Variants in NAALADL2 observed in about 807,000 individuals in gnomAD.
NAALADL2 encodes the protein N-acetylated alpha-linked acidic dipeptidase like 2, also known as inactive N-acetylated-alpha-linked acidic dipeptidase-like protein 2.
Under a neutral mutation model 87.2 loss-of-function variants are expected in NAALADL2, and 76 were observed. That is an observed-to-expected ratio of 0.87 (90% confidence interval 0.72 to 1.05). The LOEUF (loss-of-function observed/expected upper bound fraction) is 1.05, where lower values mean the gene tolerates loss of function less well. Ranked by LOEUF, NAALADL2 falls within the 50% of genes least tolerant of loss-of-function variation. NAALADL2 has a pLI of 0.00. For synonymous variants in NAALADL2, 354 were observed against 331.0 expected, an observed-to-expected ratio of 1.07 and a Z score of -0.75; for missense variants, 1,089 against 945.8, an observed-to-expected ratio of 1.15 and a Z score of -1.99.
At chr3:175,314,698 A>ATATAGTTCTAAC (rs1553857615) in intron 4 of NAALADL2, among the ~76,000 whole-genome samples, 3 of 97,856 alleles carry the variant, frequency 3.1e-5, no homozygotes, top group African/African-American at 1.1e-4. Context: ...ATATATATAT[A>ATATAGTTCTAAC]TATATATATA....
intron 3 of NAALADL2, among the ~76,000 whole-genome samples, chr3:175,245,781 T>G (rs562686465): frequency 6.6e-6 from 1 of 152,354 alleles, no homozygotes; most frequent in African/African-American, 2.4e-5. Context: ...TCTGCAGGAA[T>G]GCACCAGTCT....
At chr3:174,883,453 C>T (rs939949710) in intron 1 of NAALADL2, among the ~76,000 whole-genome samples, 5 of 152,052 alleles carry the variant, frequency 3.3e-5, no homozygotes, top group African/African-American at 4.8e-5. Context: ...TTCATACAAG[C>T]GGAAATGCAC....
chr3:175,508,161 C>T (rs1730619409), intron 9 of NAALADL2, among the ~76,000 whole-genome samples: 2 of 152,218 alleles, frequency 1.3e-5, no homozygotes, highest in African/African-American at 4.8e-5. Context: ...CAAGAGCTCA[C>T]TTATCACCAA....
chr3:175,576,430 C>T (rs1718903873), intron 10 of NAALADL2, among the ~76,000 whole-genome samples: 1 of 152,190 alleles, frequency 6.6e-6, no homozygotes, highest in South Asian at 2.1e-4. Flanking sequence ...TCACACAGTG[C>T]TCTGCAATGA....
intron 3 of NAALADL2, among the ~76,000 whole-genome samples, chr3:174,845,576 C>T (rs990740973): frequency 2.0e-5 from 3 of 152,206 alleles, no homozygotes; most frequent in Admixed American, 2.0e-4. Context: ...GGAGCAAGGC[C>T]ACCTCCATGC....
chr3:174,925,662 G>T (rs943772168), intron 1 of NAALADL2, among the ~76,000 whole-genome samples: 3 of 152,026 alleles, frequency 2.0e-5, no homozygotes, highest in African/African-American at 7.3e-5. Context: ...AATTACCTTG[G>T]GCAGTATGGC....
chr3:174,465,064 A>G (rs1244258601), intron 1 of NAALADL2, among the ~76,000 whole-genome samples: 2 of 152,110 alleles, frequency 1.3e-5, no homozygotes, highest in African/African-American at 4.8e-5. Flanking sequence ...ATTTTAAAGT[A>G]TATGTAATGT....
chr3:175,051,405 T>G (rs1200781218), intron 1 of NAALADL2, among the ~76,000 whole-genome samples: 1 of 152,132 alleles, frequency 6.6e-6, no homozygotes, highest in African/African-American at 2.4e-5. Context: ...CTGGACAGGC[T>G]GCATTTCTCT....
At chr3:175,351,483 A>G (rs997098638) in intron 5 of NAALADL2, among the ~76,000 whole-genome samples, 1 of 151,968 alleles carries the variant, frequency 6.6e-6, no homozygotes, top group African/African-American at 2.4e-5. Flanking sequence ...TTTTGCTCAC[A>G]TACAACTACT....
intron 4 of NAALADL2, among the ~76,000 whole-genome samples, chr3:175,265,073 A>T (rs984542597): frequency 1.3e-5 from 2 of 151,646 alleles, no homozygotes; most frequent in Non-Finnish European, 3.0e-5. Context: ...AATCATATGG[A>T]AAGATTTTAT....
At chr3:174,523,830 C>G (rs1349108025) in intron 1 of NAALADL2, among the ~76,000 whole-genome samples, 1 of 152,020 alleles carries the variant, frequency 6.6e-6, no homozygotes, top group Admixed American at 6.6e-5. Context: ...AATTATGTGT[C>G]TTATTATTTT....
chr3:175,393,810 C>T (rs1033085801), intron 5 of NAALADL2, among the ~76,000 whole-genome samples: 10 of 152,186 alleles, frequency 6.6e-5, no homozygotes, highest in African/African-American at 2.2e-4. Context: ...GTCCAACACA[C>T]TATCCATACC....
At chr3:175,392,269 A>G (rs1007479050) in intron 5 of NAALADL2, among the ~76,000 whole-genome samples, 1 of 152,222 alleles carries the variant, frequency 6.6e-6, no homozygotes, top group South Asian at 2.1e-4. Context: ...ATGTGTAATG[A>G]ACACTACTTA....
At chr3:175,244,054 C>T (rs962659724) in intron 3 of NAALADL2, among the ~76,000 whole-genome samples, 2 of 152,174 alleles carry the variant, frequency 1.3e-5, no homozygotes, top group Admixed American at 6.5e-5. Flanking sequence ...CGATGTCTCT[C>T]CATTGCCCTC....
At position 174,928,366 on chromosome 3, in the gene NAALADL2, A is replaced by C. The variant is rs553592401; in HGVS notation, c.43+68916A>C. 3.3e-5 allele frequency among the ~76,000 whole-genome samples: 5 copies of C among 152,180 alleles called. No individual in the cohort carries two copies. In the South Asian group the frequency reaches 1.0e-3, roughly 32 times the overall value. On this transcript the variant is annotated intron_variant, in intron 1 of 13. Transcript: ENST00000454872. ...GCGATTCTTCTGCCTCATCCTCTCG[A>C]GTACCTGGGATTACAGGCACCTACC... is the stretch of plus-strand genomic sequence containing the variant.
chr3:174,487,420 A>G (rs552843069), intron 1 of NAALADL2, among the ~76,000 whole-genome samples: 5 of 152,194 alleles, frequency 3.3e-5, no homozygotes, highest in African/African-American at 1.2e-4. Context: ...GAGAAAAGTA[A>G]TACTTGGGCT....
At chr3:174,977,260 C>A (rs142602058) in intron 1 of NAALADL2, among the ~76,000 whole-genome samples, 201 of 152,130 alleles carry the variant, frequency 1.3e-3, no homozygotes, top group African/African-American at 4.6e-3. Flanking sequence ...TAGAGAGATG[C>A]TGGTTAGGCA....
chr3:175,770,115 T>C (rs908282390), intron 13 of NAALADL2, among the ~76,000 whole-genome samples: 3 of 152,192 alleles, frequency 2.0e-5, no homozygotes, highest in African/African-American at 7.2e-5. Flanking sequence ...TATGGACTAG[T>C]GTTTGAACAA....
chr3:174,710,846 T>A (rs1730560070), intron 2 of NAALADL2, among the ~76,000 whole-genome samples: 1 of 152,220 alleles, frequency 6.6e-6, no homozygotes, highest in African/African-American at 2.4e-5. Flanking sequence ...TTACTCAGCC[T>A]AGCGAGAGCC....
Sources: allele counts gnomAD v4.1 joint callset (sites outside exome capture counted in the v4.1 genomes callset), GRCh38; gene constraint gnomAD v4.1.1; transcripts MANE v1.5; gene names NCBI Gene and HGNC (gene_info 2026-07-23, HGNC 2026-07-21).